ZNF90: variants seen among roughly 807,000 people sequenced by gnomAD.
The protein encoded by ZNF90 is zinc finger protein 90, also known as zinc finger protein HTF9.
In ZNF90, 11 loss-of-function variants were observed where a neutral mutation model predicts 12.0. The observed-to-expected ratio is 0.92, with a 90% CI of 0.58 to 1.52. ZNF90 has a LOEUF of 1.52. ZNF90 is among the 40% of genes most tolerant of loss of function. The probability of loss-of-function intolerance (pLI) is 0.00; values close to 1 mark genes in which losing one functional copy is unlikely to be tolerated. For synonymous variants in ZNF90, 232 were observed against 240.1 expected (o/e 0.97, Z 0.31); for missense variants, 765 against 711.5 (o/e 1.08, Z -0.86).
intron 1 of ZNF90, among the ~76,000 whole-genome samples, chr19:20,096,848 C>G (rs775322048): frequency 5.9e-5 from 9 of 152,158 alleles, no homozygotes; most frequent in Non-Finnish European, 1.2e-4. Flanking sequence ...AGCCACTGCT[C>G]TAAGTAGCCA....
At chr19:20,082,989 T>C (rs1052796365) in intron 1 of ZNF90, among the ~76,000 whole-genome samples, 3 of 152,170 alleles carry the variant, frequency 2.0e-5, no homozygotes, top group African/African-American at 7.2e-5. Context: ...TATGTGCACA[T>C]CAAAACACAG....
chr19:20,082,056 G>A (rs924424671), intron 1 of ZNF90, among the ~76,000 whole-genome samples: 1 of 151,980 alleles, frequency 6.6e-6, no homozygotes, highest in African/African-American at 2.4e-5. Context: ...GAGCCACCGC[G>A]CCTGGCCTGT....
At chr19:20,102,087 A>T (rs551704262) in intron 1 of ZNF90, among the ~76,000 whole-genome samples, 23 of 152,294 alleles carry the variant, frequency 1.5e-4, no homozygotes, top group African/African-American at 5.3e-4. Context: ...TCAGCTTGTT[A>T]ACTTCCTTTA....
At chr19:20,107,106 G>T in intron 3 of ZNF90, 2 of 427,724 alleles carry the variant, frequency 4.7e-6, no homozygotes, top group Middle Eastern at 7.7e-4. Flanking sequence ...GGGTTTCTAT[G>T]TGGGCAGAAT....
intron 1 of ZNF90, among the ~76,000 whole-genome samples, chr19:20,083,131 A>C (rs80189174): frequency 0.019 from 2,892 of 152,122 alleles, 94 homozygotes; most frequent in African/African-American, 0.066. Context: ...TCAGTAAATA[A>C]CTAGGGAACT....
At chr19:20,080,377 A>G (rs2088810845) in intron 1 of ZNF90, 2 of 427,896 alleles carry the variant, frequency 4.7e-6, no homozygotes, top group African/African-American at 2.1e-5. Context: ...AGGGCACCGT[A>G]TTTCTTCTTA....
intron 1 of ZNF90, among the ~76,000 whole-genome samples, chr19:20,089,790 G>A (rs10419563): frequency 0.096 from 14,633 of 152,098 alleles, 1,247 homozygotes; most frequent in East Asian, 0.23. Flanking sequence ...GAGACGGGGG[G>A]TGTTGCCCAG....
At chr19:20,081,661 C>G (rs1021522517) in intron 1 of ZNF90, among the ~76,000 whole-genome samples, 27 of 152,222 alleles carry the variant, frequency 1.8e-4, no homozygotes, top group Admixed American at 3.9e-4. Context: ...AGAAATAAAT[C>G]AGAGTGTGGC....
chr19:20,117,137 A>C (rs1725934), intron 3 of ZNF90, among the ~76,000 whole-genome samples: 2 of 151,482 alleles, frequency 1.3e-5, no homozygotes, highest in East Asian at 3.9e-4. Context: ...CTACCTCCAC[A>C]GTTCAAGCAA....
Position 20,089,488 on chromosome 19 carries a change from A to G in ZNF90, c.3+11353A>G, listed in dbSNP as rs1299429387. Among the ~76,000 whole-genome samples the G allele has an allele frequency of 3.9e-5, 6 of 152,262 alleles. No homozygotes were observed. The East Asian group carries it at 1.2e-3, about 29-fold the overall frequency. On this transcript the variant is annotated intron_variant, in intron 1 of 3. Coordinates refer to ENST00000418063, the MANE Select transcript of ZNF90 (RefSeq NM_007138.2). Reference sequence around the variant, plus strand: ...GTGTAGTTGGGCTTCGGAGATGAAGAGTAAAGGAACATCGAGAAGGTAAAA... The same window carrying G: ...GTGTAGTTGGGCTTCGGAGATGAAGGGTAAAGGAACATCGAGAAGGTAAAA...
chr19:20,078,768 A>T (rs2088797260), intron 1 of ZNF90, among the ~76,000 whole-genome samples: 1 of 152,050 alleles, frequency 6.6e-6, no homozygotes, highest in African/African-American at 2.4e-5. Flanking sequence ...ATCAGCTTAG[A>T]TTGTGCGGTC....
chr19:20,078,749 C>A (rs1167037700), intron 1 of ZNF90, among the ~76,000 whole-genome samples: 6 of 152,110 alleles, frequency 3.9e-5, no homozygotes, highest in African/African-American at 1.4e-4. Context: ...TGAGTGTAAG[C>A]CAACCGGGAT....
intron 1 of ZNF90, among the ~76,000 whole-genome samples, chr19:20,103,748 G>C (rs113473678): frequency 8.6e-5 from 13 of 151,962 alleles, no homozygotes; most frequent in African/African-American, 2.9e-4. Context: ...ATCCTTCTTG[G>C]GCCAAAAACA....
chr19:20,102,136 G>T (rs2088994600), intron 1 of ZNF90, among the ~76,000 whole-genome samples: 1 of 152,130 alleles, frequency 6.6e-6, no homozygotes, highest in Non-Finnish European at 1.5e-5. Context: ...GAGTTCTGAG[G>T]TTCTCTTCAA....
intron 3 of ZNF90, among the ~76,000 whole-genome samples, chr19:20,106,413 T>G (rs2089038787): frequency 6.6e-6 from 1 of 152,196 alleles, no homozygotes. Flanking sequence ...GAGCACAATA[T>G]AGTTTTGCAT....
intron 3 of ZNF90, among the ~76,000 whole-genome samples, chr19:20,111,107 C>T (rs1374469654): frequency 6.6e-6 from 1 of 152,034 alleles, no homozygotes; most frequent in Non-Finnish European, 1.5e-5. Flanking sequence ...AATGTGATGT[C>T]TTTTTCCTAT....
chr19:20,081,727 T>C (rs1309961439), intron 1 of ZNF90, among the ~76,000 whole-genome samples: 1 of 152,176 alleles, frequency 6.6e-6, no homozygotes, highest in Admixed American at 6.5e-5. Flanking sequence ...CATTGCAGTC[T>C]TTCCCACACA....
At chr19:20,089,608 G>C (rs868924650) in intron 1 of ZNF90, among the ~76,000 whole-genome samples, 1 of 152,140 alleles carries the variant, frequency 6.6e-6, no homozygotes, top group African/African-American at 2.4e-5. Flanking sequence ...GTCCAAATAG[G>C]GGGGAAGTAG....
At chr19:20,113,557 C>T (rs1161334446) in intron 3 of ZNF90, among the ~76,000 whole-genome samples, 1 of 150,802 alleles carries the variant, frequency 6.6e-6, no homozygotes, top group Non-Finnish European at 1.5e-5. Context: ...TTGCCGTGTG[C>T]GGTGGCTCAC....
Sources: gnomAD v4.1 joint callset for allele counts (sites outside exome capture counted in the v4.1 genomes callset) on GRCh38, gnomAD v4.1.1 for gene constraint, MANE v1.5 for transcripts, NCBI Gene and HGNC (gene_info 2026-07-23, HGNC 2026-07-21) for gene names.